NOTCH2: variants seen among roughly 807,000 people sequenced by gnomAD.
The protein encoded by NOTCH2 is notch receptor 2, also known as neurogenic locus notch homolog protein 2.
NOTCH2 carries 29 observed loss-of-function variants against 235.8 expected under a neutral mutation model. That is an observed-to-expected ratio of 0.12 (90% CI 0.09 to 0.17). The LOEUF is 0.17. Among genes scored for constraint, NOTCH2 ranks in the 10% least tolerant of loss-of-function variants. The pLI is 1.00. For missense variants in NOTCH2, 2,285 were observed against 3,150.2 expected, an observed-to-expected ratio of 0.73 and a Z score of 6.57; for synonymous variants, 1,086 against 1,141.5, an observed-to-expected ratio of 0.95 and a Z score of 0.98.
intron 18 of NOTCH2, 127 bp from the exon 19 acceptor site, chr1:119,940,883 CT>C: frequency 1.2e-6 from 1 of 822,422 alleles, no homozygotes; most frequent in Non-Finnish European, 2.0e-6. Flanking sequence ...ATCCCTTAAA[CT>C]TTCTTACAAG....
At chr1:119,961,779 C>T (rs1407026769) in intron 11 of NOTCH2, among the ~76,000 whole-genome samples, 1 of 152,156 alleles carries the variant, frequency 6.6e-6, no homozygotes, top group African/African-American at 2.4e-5. Flanking sequence ...ACTTTAAGTA[C>T]CCAGTGAGTG....
In NOTCH2 at chr1:119,967,587, A is replaced by G. The variant is rs782774086; in HGVS notation, c.1299T>C (p.Cys433=). 3.5e-5 allele frequency: 57 copies of G among 1,614,000 alleles called. No homozygotes were observed. In the Admixed American group the frequency reaches 4.7e-4, roughly 13 times the overall value. Residue 433 remains cysteine (C), a synonymous_variant, in exon 8 of 34, where the codon TGT becomes TGC. Coordinates refer to ENST00000256646, the MANE Select transcript of NOTCH2 (RefSeq NM_024408.4). ...AGTGGAAGGCGCCATCCGTGTTCACACATTTTCCTGCATGCTCACAAGGAT... is the reference window on the plus strand; with the variant it reads ...AGTGGAAGGCGCCATCCGTGTTCACGCATTTTCCTGCATGCTCACAAGGAT... The part of the protein sequence containing the change: ...NSNPCEHAGK[C]VNTDGAFHCE...
intron 22 of NOTCH2, chr1:119,935,101 T>C (rs1309229239): frequency 2.0e-6 from 2 of 985,100 alleles, no homozygotes; most frequent in African/African-American, 1.7e-5. Flanking sequence ...ATTAAAAAAA[T>C]ACAAAAGCAG....
chr1:119,976,806 C>T (rs1299527867), intron 5 of NOTCH2, among the ~76,000 whole-genome samples: 1 of 152,060 alleles, frequency 6.6e-6, no homozygotes, highest in African/African-American at 2.4e-5. Flanking sequence ...TGATCACATT[C>T]TTTCCCTCCT....
rs1284902267 is a variant in NOTCH2, at chr1:119,925,323, C to A, written c.4493G>T (p.Gly1498Val). ...CCCTTACTTGCATGTCTTGCTGTTCCCCTGGCATTCAAAGTTGTCAAACAG... is the reference window on the plus strand; with the variant it reads ...CCCTTACTTGCATGTCTTGCTGTTCACCTGGCATTCAAAGTTGTCAAACAG... ...ECLFDNFECQ[G>V]NSKTCKYDKY... The change falls in exon 25 of 34, where the codon GGG becomes GTG. Residue 1498 changes from glycine (G) to valine (V), a missense_variant. Transcript: ENST00000256646. 1.2e-6 allele frequency: 2 copies of A among 1,613,952 alleles called. No individual in the cohort carries two copies. Among genetic ancestry groups the A allele is most frequent in the Non-Finnish European group, 1.7e-6 (2 of 1,180,042 alleles).
intron 2 of NOTCH2, among the ~76,000 whole-genome samples, chr1:120,027,590 T>G (rs1653914191): frequency 6.6e-6 from 1 of 151,650 alleles, no homozygotes; most frequent in African/African-American, 2.4e-5. Context: ...AAGCCCCACG[T>G]GCATTAGGTA....
chr1:119,934,527 T>TA (rs1424147707), intron 22 of NOTCH2, among the ~76,000 whole-genome samples: 1 of 152,222 alleles, frequency 6.6e-6, no homozygotes, highest in East Asian at 1.9e-4. Flanking sequence ...TTCAAATACT[T>TA]AAAGACTGTT....
chr1:120,066,555 A>G (rs1395905284), intron 1 of NOTCH2, among the ~76,000 whole-genome samples: 1 of 151,144 alleles, frequency 6.6e-6, no homozygotes, highest in African/African-American at 2.4e-5. Context: ...TGGGTGTGAT[A>G]TTTTTAAGAT....
intron 22 of NOTCH2, among the ~76,000 whole-genome samples, chr1:119,933,095 T>A (rs587668368): frequency 6.6e-6 from 1 of 152,186 alleles, no homozygotes; most frequent in East Asian, 1.9e-4. Flanking sequence ...TAGGGATTGC[T>A]AGTAAAATGA....
At chr1:119,917,305 T>C (rs1299497564) in intron 33 of NOTCH2, among the ~76,000 whole-genome samples, 1 of 150,678 alleles carries the variant, frequency 6.6e-6, no homozygotes, top group African/African-American at 2.4e-5. Flanking sequence ...CATCAGGGTA[T>C]CCAAGGACAG....
At chr1:119,938,915 C>T (rs1003929245) in intron 19 of NOTCH2, among the ~76,000 whole-genome samples, 5 of 152,134 alleles carry the variant, frequency 3.3e-5, no homozygotes, top group Non-Finnish European at 5.9e-5. Context: ...CTCCTGACCT[C>T]GTGATCCACC....
At chr1:119,941,829 C>T in intron 17 of NOTCH2, 75 bp from the exon 18 acceptor site, 1 of 1,161,254 alleles carries the variant, frequency 8.6e-7, no homozygotes, top group Non-Finnish European at 1.3e-6. Flanking sequence ...AGTGAATGAC[C>T]TGAACTAAGT....
chr1:119,917,925 C>A (rs1386779715), intron 32 of NOTCH2, among the ~76,000 whole-genome samples, 163 bp from the exon 33 acceptor site: 1 of 152,134 alleles, frequency 6.6e-6, no homozygotes, highest in Non-Finnish European at 1.5e-5. Context: ...TTCCTCTGTT[C>A]TAGAAATACT....
intron 11 of NOTCH2, among the ~76,000 whole-genome samples, chr1:119,959,735 A>T (rs1650864784): frequency 1.3e-5 from 2 of 152,190 alleles, no homozygotes; most frequent in African/African-American, 4.8e-5. Context: ...CACTGTGCTA[A>T]CATTCAAACT....
chr1:120,022,917 C>T (rs1458119720), intron 2 of NOTCH2, among the ~76,000 whole-genome samples: 1 of 149,400 alleles, frequency 6.7e-6, no homozygotes, highest in East Asian at 2.0e-4. Context: ...ACGAGTATAT[C>T]TCAGGTTAGC....
At chr1:119,985,534 T>C (rs1348266803) in intron 5 of NOTCH2, among the ~76,000 whole-genome samples, 1 of 151,980 alleles carries the variant, frequency 6.6e-6, no homozygotes, top group Middle Eastern at 3.2e-3. Flanking sequence ...CCAGCAACAA[T>C]ATTACAATGT....
At chr1:119,948,958 T>C (rs1224878040) in intron 16 of NOTCH2, 49 bp downstream of exon 16, 1 of 1,613,422 alleles carries the variant, frequency 6.2e-7, no homozygotes, top group Non-Finnish European at 8.5e-7. Context: ...GACCACTTTG[T>C]TTAAAGTCAG....
chr1:119,944,746 G>C (rs1365680434), intron 17 of NOTCH2, among the ~76,000 whole-genome samples: 5 of 152,112 alleles, frequency 3.3e-5, no homozygotes, highest in Non-Finnish European at 7.4e-5. Context: ...TGCTGAAAGA[G>C]AAAGTCAATT....
Position 119,914,813 on chromosome 1 carries a change from C to T in NOTCH2, c.*493G>A, listed in dbSNP as rs1202063855. On this transcript the variant is annotated 3_prime_UTR_variant, in exon 34 of 34. Coordinates refer to ENST00000256646, the MANE Select transcript of NOTCH2 (RefSeq NM_024408.4). The stretch of plus-strand genomic sequence containing the variant: ...TATAACATGCTGGTAGGGCTACAAT[C>T]ACGGAGAGGTGCAAAACCAAAAGCA... 3.3e-6 allele frequency: 1 copy of T among 301,906 alleles called. No individual in the cohort carries two copies. The highest frequency in any genetic ancestry group is 6.2e-6 in the Non-Finnish European group (1 of 160,350). The allele number at this position is 301,906 out of a possible 1,614,324, so 18.7% of individuals were successfully genotyped here.
Sources: gnomAD v4.1 joint callset for allele counts (sites outside exome capture counted in the v4.1 genomes callset) on GRCh38, gnomAD v4.1.1 for gene constraint, MANE v1.5 for transcripts, NCBI Gene and HGNC (gene_info 2026-07-23, HGNC 2026-07-21) for gene names.